Variants in ANAPC4 observed in about 807,000 individuals in gnomAD.
ANAPC4 encodes the protein anaphase-promoting complex subunit 4.
Under a neutral mutation model 119.8 loss-of-function variants are expected in ANAPC4, and 63 were observed. The ratio of observed to expected loss-of-function variants is 0.53; its 90% CI spans 0.43 to 0.65. ANAPC4 has a LOEUF of 0.65. ANAPC4 is among the 30% of genes least tolerant of loss of function. ANAPC4 has a pLI of 0.00. For synonymous variants in ANAPC4, 283 were observed against 318.6 expected, an observed-to-expected ratio of 0.89 and a Z score of 1.19; for missense variants, 716 against 945.1, an observed-to-expected ratio of 0.76 and a Z score of 3.18.
rs546008770 is a variant in ANAPC4 at position 25,380,998 on chromosome 4, C to A, written c.235+519C>A. Among the ~76,000 whole-genome samples the A allele has an allele frequency of 7.9e-5, 12 of 152,306 alleles. No individual in the cohort carries two copies. In the South Asian group the frequency reaches 2.5e-3, roughly 32 times the overall value. ...CTTCTGGTACCCTCTTACGTTAAAG[C>A]CTGTTATGGCTCTGGTGACTGAACT... On this transcript the variant is annotated intron_variant, in intron 3 of 28. Coordinates refer to ENST00000315368, the MANE Select transcript of ANAPC4 (RefSeq NM_013367.3).
In ANAPC4 at chr4:25,405,732, A is replaced by G; in HGVS notation, c.1317+113A>G. 9.7e-7 allele frequency: 1 copy of G among 1,034,772 alleles called. No individual in the cohort carries two copies. 64.1% of individuals were successfully genotyped at this position (1,034,772 alleles called of 1,614,324 possible). ...ATTAGTTAACAGGATGTCAGGATGT[A>G]GACGTTAGATCCCTTAAGCACCACC... On this transcript the variant is annotated intron_variant, in intron 18 of 28. Coordinates refer to ENST00000315368, the MANE Select transcript of ANAPC4 (RefSeq NM_013367.3). This position sits in a 1 kb window ranked among gnomAD's most constrained non-coding sequence, Gnocchi z 4.6.
chr4:25,381,309 A>G (rs1256213218), intron 3 of ANAPC4, among the ~76,000 whole-genome samples: 6 of 152,086 alleles, frequency 3.9e-5, no homozygotes, highest in Non-Finnish European at 8.8e-5. Context: ...TCCCCCCCAG[A>G]CAGTGTCTCA....
chr4:25,380,434 A>G lies in ANAPC4; in HGVS notation c.190A>G (p.Thr64Ala). The stretch of plus-strand genomic sequence containing the variant: ...TTGGAGTTTTCCACCAAATGAAAAT[A>G]CAGGAAAGGAGGTGACGTGTCTGGC... ...RVWSFPPNENTGKEVTCLAWR... is the reference protein window; with the variant it reads ...RVWSFPPNENAGKEVTCLAWR... Residue 64 changes from threonine (T) to alanine (A), a missense_variant, in exon 3 of 29, where the codon ACA becomes GCA. Thr to Ala is a moderately conservative substitution (Grantham distance 58). This residue lies in a region of ANAPC4 where 202 missense variants were observed against 293.5 expected (regional missense o/e 0.69). Transcript: ENST00000315368. 1 of 1,613,614 alleles carries G rather than the reference A, an allele frequency of 6.2e-7. No homozygotes were observed. Among genetic ancestry groups the G allele is most frequent in the Non-Finnish European group, 8.5e-7 (1 of 1,179,712 alleles).
chr4:25,378,959 T>G (rs1721566649), intron 2 of ANAPC4, among the ~76,000 whole-genome samples: 1 of 152,132 alleles, frequency 6.6e-6, no homozygotes, highest in African/African-American at 2.4e-5. Flanking sequence ...TTTCTGAACT[T>G]TGGGTTCTAA....
intron 14 of ANAPC4, among the ~76,000 whole-genome samples, chr4:25,396,438 G>T (rs1015318099): frequency 2.0e-5 from 3 of 152,214 alleles, no homozygotes; most frequent in African/African-American, 7.2e-5. Context: ...AACACAATTT[G>T]ATCATCTTAC....
intron 14 of ANAPC4, 104 bp downstream of exon 14, chr4:25,395,009 T>C (rs1382775473): frequency 3.5e-6 from 3 of 854,354 alleles, no homozygotes; most frequent in African/African-American, 1.7e-5. Context: ...TTTTAAGCCT[T>C]TTCTAGCTAA....
intron 20 of ANAPC4, 101 bp from the exon 21 acceptor site, chr4:25,409,597 G>A: frequency 1.2e-6 from 1 of 812,730 alleles, no homozygotes; most frequent in Non-Finnish European, 2.0e-6. Context: ...CTAAGTCTTT[G>A]ATTTACTAAA....
Position 25,418,238 on chromosome 4 carries a change from G to A in ANAPC4, c.2283G>A (p.Glu761=). 1 of 1,614,106 alleles carries A rather than the reference G, an allele frequency of 6.2e-7. No homozygotes were observed. Among genetic ancestry groups the A allele is most frequent in the Non-Finnish European group, 8.5e-7 (1 of 1,179,970 alleles). Residue 761 remains glutamate (E), a synonymous_variant, in exon 29 of 29, where the codon GAG becomes GAA. Coordinates refer to ENST00000315368, the MANE Select transcript of ANAPC4 (RefSeq NM_013367.3). ...EWELDESSDE[E]EEASNKPVKI... ...AGCTCGATGAGTCTTCAGATGAAGA[G>A]GAGGAGGCCAGTAATAAGCCTGTAA...
Position 25,386,701 on chromosome 4 carries a change from A to G in ANAPC4, c.369-1799A>G, listed in dbSNP as rs948587653. 9.9e-5 allele frequency among the ~76,000 whole-genome samples: 15 copies of G among 152,242 alleles called. 1 individual carries two copies. The South Asian group carries it at 1.0e-3, about 10-fold the overall frequency. On this transcript the variant is annotated intron_variant, in intron 4 of 28. Transcript: ENST00000315368. ...CATGGCTGCTGGAAAAAGGACTCCA[A>G]TAGACTTGCTTGGCTGATAGACTTG...
At chr4:25,384,590 G>A (rs1721925722) in intron 4 of ANAPC4, among the ~76,000 whole-genome samples, 1 of 152,166 alleles carries the variant, frequency 6.6e-6, no homozygotes, top group Admixed American at 6.5e-5. Flanking sequence ...CACTTTGGGA[G>A]GCCAAGGTAG....
intron 3 of ANAPC4, 117 bp downstream of exon 3, chr4:25,380,596 T>G: frequency 1.6e-6 from 1 of 607,024 alleles, no homozygotes; most frequent in Admixed American, 3.9e-5. Context: ...AAATATCACT[T>G]TGGGAACTTT....
chr4:25,408,867 A>G (rs866995280), intron 20 of ANAPC4, among the ~76,000 whole-genome samples: 6 of 152,176 alleles, frequency 3.9e-5, no homozygotes, highest in African/African-American at 9.7e-5. Flanking sequence ...AAAAGTTCCT[A>G]TGTATAACTC....
At chr4:25,394,800 T>C (rs760799993) in intron 13 of ANAPC4, 29 bp from the exon 14 acceptor site, 8 of 1,605,426 alleles carry the variant, frequency 5.0e-6, no homozygotes, top group Non-Finnish European at 6.0e-6. Context: ...CCTGATTGTA[T>C]GCTAAATATA....
chr4:25,403,973 G>A (rs1723118169), intron 17 of ANAPC4, among the ~76,000 whole-genome samples: 1 of 152,108 alleles, frequency 6.6e-6, no homozygotes, highest in Non-Finnish European at 1.5e-5. Flanking sequence ...CTATTTTTGT[G>A]AACTCTCAAT....
chr4:25,389,914 GA>G (rs1722250483), intron 7 of ANAPC4, among the ~76,000 whole-genome samples: 1 of 152,082 alleles, frequency 6.6e-6, no homozygotes, highest in South Asian at 2.1e-4. Context: ...ACTGTAAGCT[GA>G]TTTTTTTTTA....
chr4:25,387,913 G>A lies in ANAPC4; in HGVS notation c.369-587G>A, dbSNP rs550920961. On this transcript the variant is annotated intron_variant, in intron 4 of 28. Coordinates refer to ENST00000315368, the MANE Select transcript of ANAPC4 (RefSeq NM_013367.3). ...GCACTTTGGGAGGCTGAGGCAGGAG[G>A]AAGGAGTTTCAGACCAGTCTGGGCA... 9.9e-4 allele frequency among the ~76,000 whole-genome samples: 150 copies of A among 152,160 alleles called. 1 individual carries two copies. The highest frequency in any genetic ancestry group is 1.8e-3 in the Non-Finnish European group (122 of 67,982).
rs1560433984 is a variant in ANAPC4, at chr4:25,391,012, T to C, written c.702T>C (p.Phe234=). 6.2e-7 allele frequency: 1 copy of C among 1,604,444 alleles called. No individual in the cohort carries two copies. Among genetic ancestry groups the C allele is most frequent in the Non-Finnish European group, 8.5e-7 (1 of 1,171,502 alleles). The change falls in exon 9 of 29, where the codon TTT becomes TTC. Residue 234 remains phenylalanine, a synonymous_variant. Coordinates refer to ENST00000315368, the MANE Select transcript of ANAPC4 (RefSeq NM_013367.3). ...STNGASEVSY[F]QLETNLLYSF... is the part of the protein sequence containing the mutation. ...ATGGTGCTTCAGAAGTTTCATACTTTCAGGTGAGTATTGGAACTTGATAAC... is the reference window on the plus strand; with the variant it reads ...ATGGTGCTTCAGAAGTTTCATACTTCCAGGTGAGTATTGGAACTTGATAAC...
At position 25,405,474 on chromosome 4, in the gene ANAPC4, T is replaced by C. The variant is rs1723199674; in HGVS notation, c.1271-99T>C. ...GTGAAAAGCTGTGTAAAATTGAAGA[T>C]TTAGTTCAGTCAAACACCTTGTCTT... On this transcript the variant is annotated intron_variant, in intron 17 of 28. Coordinates refer to ENST00000315368, the MANE Select transcript of ANAPC4 (RefSeq NM_013367.3). The surrounding 1 kb of genome is among the most constrained non-coding windows in gnomAD (Gnocchi z 4.6). The C allele has an allele frequency of 9.3e-7, 1 of 1,078,546 alleles. No homozygotes were observed. The highest frequency in any genetic ancestry group is 2.6e-5 in the East Asian group (1 of 38,838). 66.8% of individuals were successfully genotyped at this position (1,078,546 alleles called of 1,614,324 possible).
At chr4:25,377,843 C>T (rs531203824) in intron 2 of ANAPC4, among the ~76,000 whole-genome samples, 2 of 152,378 alleles carry the variant, frequency 1.3e-5, no homozygotes, top group East Asian at 1.9e-4. Flanking sequence ...CCCAAGTCTT[C>T]TTCACTCATT....
Sources: gnomAD v4.1 joint callset for allele counts (sites outside exome capture counted in the v4.1 genomes callset) on GRCh38, gnomAD v4.1.1 for gene constraint, gnomAD v4.1.1 regional missense constraint, Gnocchi (gnomAD v3.1) non-coding constraint, MANE v1.5 for transcripts, NCBI Gene and HGNC (gene_info 2026-07-23, HGNC 2026-07-21) for gene names.